IL1R1: variants seen among roughly 807,000 people sequenced by gnomAD.
IL1R1 encodes the protein interleukin 1 receptor type 1, also known as interleukin-1 receptor type 1.
IL1R1 carries 22 observed loss-of-function variants against 50.2 expected under a neutral mutation model. The ratio of observed to expected loss-of-function variants is 0.44; its 90% CI spans 0.31 to 0.63. IL1R1 has a LOEUF of 0.63. Ranked by LOEUF, IL1R1 falls within the 20% of genes least tolerant of loss-of-function variation. IL1R1 has a pLI of 0.07. For missense variants in IL1R1, 509 were observed against 676.2 expected (o/e 0.75, Z 2.74); for synonymous variants, 251 against 236.7 (o/e 1.06, Z -0.55).
intron 1 of IL1R1, among the ~76,000 whole-genome samples, chr2:102,082,632 A>G (rs1679262743): frequency 6.6e-6 from 1 of 152,146 alleles, no homozygotes; most frequent in Non-Finnish European, 1.5e-5. Context: ...ATCAAACAAA[A>G]CAAAACAGAA....
intron 3 of IL1R1, among the ~76,000 whole-genome samples, chr2:102,160,981 C>T (rs916930515): frequency 6.6e-6 from 1 of 152,024 alleles, no homozygotes; most frequent in African/African-American, 2.4e-5. Flanking sequence ...TCTCTGCTTG[C>T]TGCTTACTTT....
intron 1 of IL1R1, among the ~76,000 whole-genome samples, chr2:102,089,924 C>T (rs573693151): frequency 6.6e-6 from 1 of 150,998 alleles, no homozygotes; most frequent in Admixed American, 6.6e-5. Flanking sequence ...AGCTCCACCT[C>T]CCGGGTTCAC....
At chr2:102,073,847 AT>A (rs1308386340) in intron 1 of IL1R1, among the ~76,000 whole-genome samples, 2 of 152,156 alleles carry the variant, frequency 1.3e-5, no homozygotes, top group African/African-American at 2.4e-5. Context: ...TTAAAAAAAA[AT>A]CTCCCTTTAT....
chr2:102,088,308 A>G (rs1185400713), intron 1 of IL1R1, among the ~76,000 whole-genome samples: 3 of 152,204 alleles, frequency 2.0e-5, no homozygotes, highest in Non-Finnish European at 4.4e-5. Flanking sequence ...TCTTGATCCA[A>G]TGGAAATTGT....
chr2:102,161,794 G>A (rs897601223), intron 3 of IL1R1, among the ~76,000 whole-genome samples: 2 of 151,984 alleles, frequency 1.3e-5, no homozygotes, highest in African/African-American at 2.4e-5. Context: ...CTGCCTACTG[G>A]GTTCAAGTGA....
chr2:102,140,460 G>C (rs1285230144), upstream of IL1R1, among the ~76,000 whole-genome samples: 2 of 152,226 alleles, frequency 1.3e-5, no homozygotes, highest in Non-Finnish European at 2.9e-5. Flanking sequence ...TCAGAGGTGG[G>C]AGGGAGACAC....
upstream of IL1R1, among the ~76,000 whole-genome samples, chr2:102,103,639 G>A (rs140644251): frequency 6.6e-4 from 101 of 152,214 alleles, 2 homozygotes; most frequent in East Asian, 0.019. Flanking sequence ...TGATAGGCTG[G>A]ACTCTGTATC....
chr2:102,114,339 C>A (rs1456254743), intron 1 of IL1R1, among the ~76,000 whole-genome samples: 6 of 152,208 alleles, frequency 3.9e-5, no homozygotes, highest in Admixed American at 3.9e-4. Context: ...CCTGGTTTCA[C>A]AAATAGTATC....
intron 1 of IL1R1, among the ~76,000 whole-genome samples, chr2:102,114,998 G>C (rs1230302040): frequency 2.0e-5 from 3 of 152,090 alleles, no homozygotes; most frequent in Non-Finnish European, 4.4e-5. Flanking sequence ...TACAAATAGG[G>C]GAAATGTCTC....
At chr2:102,114,841 G>A (rs959617528) in intron 1 of IL1R1, among the ~76,000 whole-genome samples, 1 of 152,006 alleles carries the variant, frequency 6.6e-6, no homozygotes, top group Non-Finnish European at 1.5e-5. Context: ...ACTTTAGTCT[G>A]GAACTGATGT....
chr2:102,165,036 CAT>C, intron 4 of IL1R1, 28 bp downstream of exon 4: 1 of 1,589,116 alleles, frequency 6.3e-7, no homozygotes, highest in Non-Finnish European at 8.6e-7. Context: ...ATGTTACAAA[CAT>C]GTTCTAGTTT....
At chr2:102,117,080 T>C (rs1681118622) in intron 1 of IL1R1, among the ~76,000 whole-genome samples, 1 of 152,230 alleles carries the variant, frequency 6.6e-6, no homozygotes, top group Admixed American at 6.5e-5. Context: ...TGGTTTTAAA[T>C]ATTGGGCAAC....
In IL1R1 at chr2:102,155,958, T is replaced by C. The variant is rs72820125; in HGVS notation, c.-6-1761T>C. Among the ~76,000 whole-genome samples, 776 of 152,336 alleles carry C rather than the reference T, an allele frequency of 5.1e-3. 3 individuals are homozygous for C. Among genetic ancestry groups the C allele is most frequent in the Admixed American group, 7.5e-3 (115 of 15,306 alleles). Reference sequence around the variant, plus strand: ...AAAGTTCAGTCACACATCTTCTTTTTCTTCTCCCCTGCCTAATGATCAGAC... The same window carrying C: ...AAAGTTCAGTCACACATCTTCTTTTCCTTCTCCCCTGCCTAATGATCAGAC... On this transcript the variant is annotated intron_variant, in intron 2 of 11. Transcript: ENST00000410023.
Position 102,179,839 on chromosome 2 carries a change from T to C in IL1R1, c.*3080T>C, listed in dbSNP as rs1054901844. ...GCATCACGGATCAATAGACTGTACT[T>C]ATTTTCCAATAAAATTTTCAAACTT... On this transcript the variant is annotated 3_prime_UTR_variant, in exon 12 of 12. Coordinates refer to ENST00000410023, the MANE Select transcript of IL1R1 (RefSeq NM_000877.4). 4 of 152,702 alleles carry C rather than the reference T, an allele frequency of 2.6e-5. No individual in the cohort carries two copies. Among genetic ancestry groups the C allele is most frequent in the African/African-American group, 9.6e-5 (4 of 41,466 alleles). The allele number at this position is 152,702 out of a possible 1,614,324, so 9.5% of individuals were successfully genotyped here. A position where few individuals can be genotyped will look rare whatever the true frequency, so the allele number is the denominator to read the frequency against.
upstream of IL1R1, among the ~76,000 whole-genome samples, chr2:102,102,074 C>T (rs1680167560): frequency 6.6e-6 from 1 of 152,062 alleles, no homozygotes; most frequent in Admixed American, 6.5e-5. Context: ...TAGGAAGGAG[C>T]AAGAGAGAAG....
At chr2:102,100,643 T>C (rs1455648480), upstream of IL1R1, among the ~76,000 whole-genome samples, 1 of 152,192 alleles carries the variant, frequency 6.6e-6, no homozygotes, top group Non-Finnish European at 1.5e-5. Context: ...TTTTAGTCAT[T>C]TCATGCTTTC....
intron 1 of IL1R1, among the ~76,000 whole-genome samples, chr2:102,113,251 G>T (rs1309082546): frequency 6.6e-6 from 1 of 152,240 alleles, no homozygotes; most frequent in African/African-American, 2.4e-5. Flanking sequence ...ATGAGCCATT[G>T]CTATAGAATA....
chr2:102,170,290 C>G (rs979064886), intron 7 of IL1R1, among the ~76,000 whole-genome samples: 1 of 152,186 alleles, frequency 6.6e-6, no homozygotes, highest in East Asian at 1.9e-4. Flanking sequence ...CAGTGCAAGC[C>G]AATAGTCACT....
intron 1 of IL1R1, among the ~76,000 whole-genome samples, chr2:102,092,624 C>A (rs1051450424): frequency 5.1e-4 from 77 of 152,194 alleles, no homozygotes; most frequent in Non-Finnish European, 2.1e-4. Context: ...CTAAACGTAA[C>A]ATTGAAAATT....
Sources: allele counts gnomAD v4.1 joint callset (sites outside exome capture counted in the v4.1 genomes callset), GRCh38; gene constraint gnomAD v4.1.1; transcripts MANE v1.5; gene names NCBI Gene and HGNC (gene_info 2026-07-23, HGNC 2026-07-21).